Variants in CFAP46 observed in about 807,000 individuals in gnomAD.
CFAP46 encodes cilia- and flagella-associated protein 46.
CFAP46 carries 245 observed loss-of-function variants against 325.7 expected under a neutral mutation model. The observed-to-expected ratio is 0.75, with a 90% CI of 0.68 to 0.84. The LOEUF is 0.84. CFAP46 is among the 40% of genes least tolerant of loss of function. The pLI, the probability that CFAP46 is intolerant of heterozygous loss-of-function variation, is 0.00. For synonymous variants in CFAP46, 1,523 were observed against 1,495.9 expected (o/e 1.02, Z -0.42); for missense variants, 3,346 against 3,543.0 (o/e 0.94, Z 1.41).
intron 32 of CFAP46, among the ~76,000 whole-genome samples, chr10:132,870,694 CAGA>C (rs1848885188): frequency 6.6e-6 from 1 of 152,188 alleles, no homozygotes; most frequent in Non-Finnish European, 1.5e-5. Context: ...GAGGAAGCTG[CAGA>C]AGAAGTTTGA....
chr10:132,869,166 AGAGGGGCAGG>A lies in CFAP46; in HGVS notation c.4610+98_4610+107del. On this transcript the variant is annotated intron_variant, in intron 33 of 57. Transcript: ENST00000368586. The surrounding 1 kb of genome is among the most constrained non-coding windows in gnomAD (Gnocchi z 6.2). ...TGTCCCCCAAGTGCTCACTCTCCCCAGAGGGGCAGGAGTCCAGGGAAGAGGGTGGCCGCGC... is the reference window on the plus strand; with the variant it reads ...TGTCCCCCAAGTGCTCACTCTCCCCAAGTCCAGGGAAGAGGGTGGCCGCGC... The A allele has an allele frequency of 1.1e-6, 1 of 881,112 alleles. No homozygotes were observed. The highest frequency in any genetic ancestry group is 1.6e-6 in the Non-Finnish European group (1 of 606,876). 54.6% of individuals were successfully genotyped at this position (881,112 alleles called of 1,614,324 possible).
In CFAP46 at chr10:132,919,729, C is replaced by T. The variant is rs577921818; in HGVS notation, c.1731-287G>A. Among the ~76,000 whole-genome samples, 2 of 152,130 alleles carry T rather than the reference C, an allele frequency of 1.3e-5. No individual in the cohort carries two copies. Among genetic ancestry groups the T allele is most frequent in the Admixed American group, 6.5e-5 (1 of 15,300 alleles). The stretch of plus-strand genomic sequence containing the variant: ...CCCCGGGGGAGTGCACGGGACAGGC[C>T]TCCCGGGGATGGTACCGACCGCAGG... On this transcript the variant is annotated intron_variant, in intron 14 of 57. Coordinates refer to ENST00000368586, the MANE Select transcript of CFAP46 (RefSeq NM_001200049.3). This position sits in a 1 kb window ranked among gnomAD's most constrained non-coding sequence, Gnocchi z 9.7.
At chr10:132,909,292 A>C (rs148446004) in intron 20 of CFAP46, 48 bp from the exon 21 acceptor site, 37,706 of 1,311,534 alleles carry the variant, frequency 0.029, 744 homozygotes, top group Middle Eastern at 0.069. Context: ...GTGCGGGGGG[A>C]GTCTGGAATA....
chr10:132,907,877 A>G (rs2135520033), intron 22 of CFAP46, among the ~76,000 whole-genome samples: 1 of 152,256 alleles, frequency 6.6e-6, no homozygotes, highest in African/African-American at 2.4e-5. Flanking sequence ...CGTCTGTGAG[A>G]CAGGAAGGGG....
At position 132,877,214 on chromosome 10, in the gene CFAP46, A is replaced by G. The variant is rs1848969028; in HGVS notation, c.4213-253T>C. On this transcript the variant is annotated intron_variant, in intron 30 of 57. Transcript: ENST00000368586. This position sits in a 1 kb window ranked among gnomAD's most constrained non-coding sequence, Gnocchi z 5.7. ...CCCAGGCTCAGGACTCCCGAGAGCT[A>G]AGGCTCTGCAGCCTCTGCCTCCTGC... Among the ~76,000 whole-genome samples, 1 of 152,138 alleles carries G rather than the reference A, an allele frequency of 6.6e-6. No homozygotes were observed. The highest frequency in any genetic ancestry group is 2.4e-5 in the African/African-American group (1 of 41,444).
At chr10:132,932,646 C>G (rs1219834237) in intron 8 of CFAP46, among the ~76,000 whole-genome samples, 1 of 127,980 alleles carries the variant, frequency 7.8e-6, no homozygotes, top group Non-Finnish European at 1.7e-5. Context: ...CACACAGAGC[C>G]TGGGCCTTCC....
At chr10:132,833,744 G>A (rs748782892) in intron 49 of CFAP46, among the ~76,000 whole-genome samples, 3 of 152,230 alleles carry the variant, frequency 2.0e-5, no homozygotes, top group Admixed American at 6.5e-5. Flanking sequence ...TAGCAAGCAC[G>A]TGTGGTGTGG....
chr10:132,892,095 G>A (rs1849261760), intron 25 of CFAP46, among the ~76,000 whole-genome samples: 1 of 152,214 alleles, frequency 6.6e-6, no homozygotes, highest in African/African-American at 2.4e-5. Flanking sequence ...TTCATGGACA[G>A]TCAGAAGGTC....
chr10:132,941,084 A>G (rs1457322126), intron 3 of CFAP46, 24 bp from the exon 4 acceptor site: 2 of 1,613,482 alleles, frequency 1.2e-6, no homozygotes, highest in Non-Finnish European at 1.7e-6. Context: ...AAGAAGCACA[A>G]TTAGACCGAA....
chr10:132,901,902 T>C (rs1337740298), intron 22 of CFAP46, among the ~76,000 whole-genome samples: 1 of 152,210 alleles, frequency 6.6e-6, no homozygotes, highest in East Asian at 1.9e-4. Flanking sequence ...TTAAAAACTG[T>C]CATCCTTTGT....
rs1050114110 is a variant in CFAP46, at chr10:132,936,914, A to G, written c.755+47T>C. 3 of 1,218,448 alleles carry G rather than the reference A, an allele frequency of 2.5e-6. No individual in the cohort carries two copies. In the African/African-American group the frequency reaches 4.5e-5, roughly 18 times the overall value. 75.5% of individuals were successfully genotyped at this position (1,218,448 alleles called of 1,614,324 possible). A position where few individuals can be genotyped will look rare whatever the true frequency, so the allele number is the denominator to read the frequency against. On this transcript the variant is annotated intron_variant, in intron 7 of 57. Transcript: ENST00000368586. ...GAGGGGACAGAGCTCTCCCAAGCCC[A>G]GCACTTGTGAAACTCAGTATTTGCT... is the stretch of plus-strand genomic sequence containing the variant.
intron 32 of CFAP46, among the ~76,000 whole-genome samples, chr10:132,870,830 T>C (rs1564785738): frequency 6.6e-6 from 1 of 151,662 alleles, no homozygotes. Context: ...ATCCAGCTAA[T>C]AAGAGCATGG....
At chr10:132,846,858 G>C (rs1848445931) in intron 43 of CFAP46, 74 bp downstream of exon 43, 13 of 1,496,688 alleles carry the variant, frequency 8.7e-6, no homozygotes, top group Middle Eastern at 5.0e-4. Flanking sequence ...CCAAGGCGAG[G>C]GCCCCAGCTG....
chr10:132,908,209 T>C (rs1237514228), intron 22 of CFAP46: 2 of 511,750 alleles, frequency 3.9e-6, no homozygotes, highest in Admixed American at 3.4e-5. Context: ...CTTTCTGGAC[T>C]GGGCCTGGAG....
intron 4 of CFAP46, 145 bp from the exon 5 acceptor site, chr10:132,938,898 A>C (rs1048047622): frequency 2.9e-6 from 2 of 692,434 alleles, no homozygotes; most frequent in African/African-American, 3.6e-5. Context: ...CCCACCTGAG[A>C]AGCTTTGGCC....
chr10:132,904,830 C>T (rs760399346), intron 22 of CFAP46, among the ~76,000 whole-genome samples: 1 of 152,194 alleles, frequency 6.6e-6, no homozygotes, highest in Admixed American at 6.5e-5. Flanking sequence ...GGTACAATCA[C>T]GGCTTGCTGC....
intron 26 of CFAP46, among the ~76,000 whole-genome samples, 175 bp downstream of exon 26, chr10:132,885,646 C>G (rs1849111224): frequency 7.9e-6 from 1 of 126,688 alleles, no homozygotes; most frequent in Non-Finnish European, 1.7e-5. Context: ...GGGGAGCACA[C>G]TCCGGTGGGG....
intron 13 of CFAP46, 93 bp from the exon 14 acceptor site, chr10:132,920,275 G>C: frequency 7.1e-7 from 1 of 1,406,958 alleles, no homozygotes; most frequent in Non-Finnish European, 9.3e-7. Flanking sequence ...CCGGCGCCGG[G>C]GTGGCCACCC....
In CFAP46 at chr10:132,869,427, A is replaced by T; in HGVS notation, c.4512-55T>A. On this transcript the variant is annotated intron_variant, in intron 32 of 57. Coordinates refer to ENST00000368586, the MANE Select transcript of CFAP46 (RefSeq NM_001200049.3). The surrounding 1 kb of genome is among the most constrained non-coding windows in gnomAD (Gnocchi z 6.2). ...GTTGCACGGGCGCAGAGGGAGCCAG[A>T]AACGAAGCTACTAGTGTGCTTCACA... 1 of 1,326,136 alleles carries T rather than the reference A, an allele frequency of 7.5e-7. No homozygotes were observed. The allele number at this position is 1,326,136 out of a possible 1,614,324, so 82.1% of individuals were successfully genotyped here.
Sources: allele counts gnomAD v4.1 joint callset (sites outside exome capture counted in the v4.1 genomes callset), GRCh38; gene constraint gnomAD v4.1.1; non-coding constraint Gnocchi (gnomAD v3.1); transcripts MANE v1.5; gene names NCBI Gene and HGNC (gene_info 2026-07-23, HGNC 2026-07-21).